The following PPP4R1 variants were observed in gnomAD, a reference collection of about 807,000 sequenced individuals.
The protein encoded by PPP4R1 is protein phosphatase 4 regulatory subunit 1.
Under a neutral mutation model 111.2 loss-of-function variants are expected in PPP4R1, and 42 were observed. That is an observed-to-expected ratio of 0.38 (90% CI 0.29 to 0.49). The LOEUF (loss-of-function observed/expected upper bound fraction) is 0.49, where lower values mean the gene tolerates loss of function less well. Among genes scored for constraint, PPP4R1 ranks in the 20% least tolerant of loss-of-function variants. The pLI is 0.97. For missense variants in PPP4R1, 1,012 were observed against 1,161.6 expected, an observed-to-expected ratio of 0.87 and a Z score of 1.87; for synonymous variants, 409 against 405.5, an observed-to-expected ratio of 1.01 and a Z score of -0.10.
chr18:9,555,947 C>T (rs9956160), intron 15 of PPP4R1, among the ~76,000 whole-genome samples: 73,959 of 149,802 alleles, frequency 0.49, 18,607 homozygotes, highest in East Asian at 0.63. Context: ...CCATCCTGGC[C>T]AACACGGTGA....
chr18:9,588,110 A>G lies in PPP4R1; in HGVS notation c.564T>C (p.Asp188=). The G allele has an allele frequency of 6.2e-7, 1 of 1,614,064 alleles. No homozygotes were observed. The highest frequency in any genetic ancestry group is 8.5e-7 in the Non-Finnish European group (1 of 1,179,988). Reference sequence around the variant, plus strand: ...TTACAGCCACAGCTTCTGTTTTCACATCATCATTGCTATCTGGGGCTGTCA... The same window carrying G: ...TTACAGCCACAGCTTCTGTTTTCACGTCATCATTGCTATCTGGGGCTGTCA... The part of the protein sequence containing the change: ...IELTAPDSND[D]VKTEAVAIMC... The change falls in exon 6 of 20, where the codon GAT becomes GAC. Residue 188 remains aspartate, a synonymous_variant. Coordinates refer to ENST00000400556, the MANE Select transcript of PPP4R1 (RefSeq NM_001042388.3).
At chr18:9,593,529 T>C (rs1345387418) in intron 4 of PPP4R1, among the ~76,000 whole-genome samples, 3 of 152,180 alleles carry the variant, frequency 2.0e-5, no homozygotes, top group Non-Finnish European at 4.4e-5. Flanking sequence ...TGCAAAACAA[T>C]GTTTTTAGAT....
intron 12 of PPP4R1, among the ~76,000 whole-genome samples, chr18:9,562,396 T>C (rs528243515): frequency 5.4e-4 from 83 of 152,340 alleles, no homozygotes; most frequent in Non-Finnish European, 1.1e-3. Context: ...TTTTGGTCCA[T>C]TGTTTTAGAG....
chr18:9,596,715 G>C (rs62088872), intron 2 of PPP4R1, among the ~76,000 whole-genome samples: 1 of 152,012 alleles, frequency 6.6e-6, no homozygotes, highest in Non-Finnish European at 1.5e-5. Context: ...TGTTATTGCT[G>C]TTAGGGCATT....
At position 9,570,541 on chromosome 18, in the gene PPP4R1, C is replaced by T. The variant is rs1212949674; in HGVS notation, c.1189G>A (p.Glu397Lys). Residue 397 changes from glutamate to lysine, a missense_variant, in exon 11 of 20, where the codon GAA becomes AAA. Around this residue, in one of 2 missense-constraint regions of PPP4R1, gnomAD observed 707 missense variants for 742.1 expected, o/e 0.95. Coordinates refer to ENST00000400556, the MANE Select transcript of PPP4R1 (RefSeq NM_001042388.3). ...GAGCTGTCCAGTGGAACACTAATTTCACCTAGAGGCTTCCCGGATGCCTCA... is the reference window on the plus strand; with the variant it reads ...GAGCTGTCCAGTGGAACACTAATTTTACCTAGAGGCTTCCCGGATGCCTCA... ...AAEASGKPLG[E>K]ISVPLDSSLL... The T allele has an allele frequency of 6.2e-7, 1 of 1,614,164 alleles. No homozygotes were observed.
intron 5 of PPP4R1, 60 bp downstream of exon 5, chr18:9,588,651 T>C: frequency 7.0e-7 from 1 of 1,438,580 alleles, no homozygotes; most frequent in South Asian, 1.3e-5. Context: ...TAGGCTCGGC[T>C]ATTCTCCATA....
chr18:9,555,966 C>T (rs560933565), intron 15 of PPP4R1, among the ~76,000 whole-genome samples: 1 of 146,888 alleles, frequency 6.8e-6, no homozygotes, highest in African/African-American at 2.5e-5. Flanking sequence ...GAAACCCCAT[C>T]TCTACTAAAA....
In PPP4R1 at chr18:9,559,424, T is replaced by C; in HGVS notation, c.2023A>G (p.Met675Val). The change falls in exon 14 of 20, where the codon ATG becomes GTG. Residue 675 changes from methionine to valine, a missense_variant. By Grantham distance (21) the Met-to-Val change is conservative. Around this residue, in one of 2 missense-constraint regions of PPP4R1, gnomAD observed 305 missense variants for 419.5 expected, o/e 0.73. Coordinates refer to ENST00000400556, the MANE Select transcript of PPP4R1 (RefSeq NM_001042388.3). ...TCTTTAACTGCTTTACTCACCTGCATGTCTGAGGCCAGAGTCTCATACGTC... is the reference window on the plus strand; with the variant it reads ...TCTTTAACTGCTTTACTCACCTGCACGTCTGAGGCCAGAGTCTCATACGTC... Reference protein sequence around the residue: ...RETYETLASDMQWKVRRTLAF... With the variant: ...RETYETLASDVQWKVRRTLAF... The C allele has an allele frequency of 6.2e-7, 1 of 1,608,568 alleles. No individual in the cohort carries two copies. The highest frequency in any genetic ancestry group is 8.5e-7 in the Non-Finnish European group (1 of 1,177,114).
intron 16 of PPP4R1, 185 bp from the exon 17 acceptor site, chr18:9,550,583 A>G: frequency 1.5e-6 from 1 of 646,050 alleles, no homozygotes; most frequent in Non-Finnish European, 2.6e-6. Context: ...CTGGAAATGC[A>G]CTTACATGCT....
chr18:9,555,907 T>C lies in PPP4R1; in HGVS notation c.2190+1314A>G, dbSNP rs529455962. On this transcript the variant is annotated intron_variant, in intron 15 of 19. Coordinates refer to ENST00000400556, the MANE Select transcript of PPP4R1 (RefSeq NM_001042388.3). ...ATCCCAGCACTTTGGGAGGCCAAGG[T>C]GGGCGGATCACAAGATCAGGAGATC... Among the ~76,000 whole-genome samples, 156 of 151,632 alleles carry C rather than the reference T, an allele frequency of 1.0e-3. 1 individual carries two copies. The highest frequency in any genetic ancestry group is 3.3e-3 in the East Asian group (17 of 5,080).
chr18:9,555,879 G>A (rs2066566463), intron 15 of PPP4R1, among the ~76,000 whole-genome samples: 1 of 152,064 alleles, frequency 6.6e-6, no homozygotes, highest in Admixed American at 6.5e-5. Flanking sequence ...GCTCACGCCT[G>A]TAATCCCAGC....
At chr18:9,597,074 A>G (rs1444229547) in intron 2 of PPP4R1, among the ~76,000 whole-genome samples, 2 of 151,974 alleles carry the variant, frequency 1.3e-5, no homozygotes, top group Non-Finnish European at 2.9e-5. Flanking sequence ...TCGAGGGTGT[A>G]CTCTTCTATA....
intron 13 of PPP4R1, among the ~76,000 whole-genome samples, chr18:9,560,560 C>T (rs144226482): frequency 5.9e-5 from 9 of 151,942 alleles, no homozygotes; most frequent in Non-Finnish European, 8.8e-5. Flanking sequence ...GCTACATAAA[C>T]GAATTATCCA....
At position 9,559,441 on chromosome 18, in the gene PPP4R1, T is replaced by C; in HGVS notation, c.2006A>G (p.Glu669Gly). Residue 669 changes from glutamate to glycine, a missense_variant, in exon 14 of 20, where the codon GAG (glutamate) becomes GGG (glycine). This residue lies in a region of PPP4R1 where 305 missense variants were observed against 419.5 expected (regional missense o/e 0.73). Coordinates refer to ENST00000400556, the MANE Select transcript of PPP4R1 (RefSeq NM_001042388.3). ...QNWHCLRETY[E>G]TLASDMQWKV... Reference sequence around the variant, plus strand: ...CACCTGCATGTCTGAGGCCAGAGTCTCATACGTCTCTCTCAGGCAGTGCCA... The same window carrying C: ...CACCTGCATGTCTGAGGCCAGAGTCCCATACGTCTCTCTCAGGCAGTGCCA... The C allele has an allele frequency of 6.2e-7, 1 of 1,612,750 alleles. No homozygotes were observed. The highest frequency in any genetic ancestry group is 8.5e-7 in the Non-Finnish European group (1 of 1,179,222).
chr18:9,593,306 C>CT (rs1211495970), intron 4 of PPP4R1, among the ~76,000 whole-genome samples: 1 of 152,090 alleles, frequency 6.6e-6, no homozygotes, highest in African/African-American at 2.4e-5. Flanking sequence ...AAGTTTACCT[C>CT]TTTCTTAAGC....
At chr18:9,603,961 TTTTA>T (rs1158425198) in intron 2 of PPP4R1, among the ~76,000 whole-genome samples, 2 of 152,202 alleles carry the variant, frequency 1.3e-5, no homozygotes, top group African/African-American at 2.4e-5. Context: ...AATTTTTTTG[TTTTA>T]TTTGTCTCTC....
chr18:9,573,578 A>C (rs758960299), intron 10 of PPP4R1, among the ~76,000 whole-genome samples: 44 of 152,174 alleles, frequency 2.9e-4, no homozygotes, highest in Non-Finnish European at 5.9e-4. Context: ...CTATCTAATA[A>C]ATACAATGAA....
At chr18:9,595,271 C>G in intron 2 of PPP4R1, 118 bp from the exon 3 acceptor site, 1 of 1,058,078 alleles carries the variant, frequency 9.5e-7, no homozygotes, top group Non-Finnish European at 1.3e-6. Flanking sequence ...TCACAAGAGA[C>G]TCTCAGAATC....
At chr18:9,555,423 G>A (rs189451237) in intron 15 of PPP4R1, among the ~76,000 whole-genome samples, 3 of 152,192 alleles carry the variant, frequency 2.0e-5, no homozygotes, top group Non-Finnish European at 2.9e-5. Context: ...GCCTGGATAT[G>A]AGAGCACTGG....
Sources: allele counts gnomAD v4.1 joint callset (sites outside exome capture counted in the v4.1 genomes callset), GRCh38; gene constraint gnomAD v4.1.1; regional missense constraint gnomAD v4.1.1; transcripts MANE v1.5; gene names NCBI Gene and HGNC (gene_info 2026-07-23, HGNC 2026-07-21).